The following NYAP2 variants were observed in gnomAD, a reference collection of about 807,000 sequenced individuals.
The protein encoded by NYAP2 is neuronal tyrosine-phosphorylated phosphoinositide-3-kinase adapter 2.
A neutral mutation model predicts 50.4 loss-of-function variants in NYAP2; 23 were observed. That is an observed-to-expected ratio of 0.46 (90% CI 0.33 to 0.65). NYAP2 has a LOEUF of 0.65. Among genes scored for constraint, NYAP2 ranks in the 30% least tolerant of loss-of-function variants. The pLI is 0.02. For synonymous variants in NYAP2, 394 were observed against 365.2 expected, an observed-to-expected ratio of 1.08 and a Z score of -0.90; for missense variants, 885 against 861.0, an observed-to-expected ratio of 1.03 and a Z score of -0.35.
intron 5 of NYAP2, among the ~76,000 whole-genome samples, chr2:225,592,049 T>G (rs932149340): frequency 3.3e-5 from 5 of 152,182 alleles, no homozygotes; most frequent in African/African-American, 1.2e-4. Flanking sequence ...CTAAATGACC[T>G]AAGCAAAAAG....
intron 3 of NYAP2, among the ~76,000 whole-genome samples, chr2:225,469,306 A>C (rs1252533817): frequency 6.6e-6 from 1 of 152,254 alleles, no homozygotes; most frequent in Non-Finnish European, 1.5e-5. Context: ...AATCAAAACC[A>C]CAATGAGATA....
At chr2:225,587,824 A>T (rs1482769878) in intron 5 of NYAP2, among the ~76,000 whole-genome samples, 2 of 94,420 alleles carry the variant, frequency 2.1e-5, no homozygotes, top group African/African-American at 6.2e-5. Flanking sequence ...ATGTCTTGGC[A>T]TTACAAAAAA....
At chr2:225,578,789 T>C (rs1382044601) in intron 4 of NYAP2, among the ~76,000 whole-genome samples, 1 of 152,170 alleles carries the variant, frequency 6.6e-6, no homozygotes, top group Non-Finnish European at 1.5e-5. Flanking sequence ...ATGTTCATCG[T>C]TCATCTGTAA....
At chr2:225,615,394 A>G (rs978044528) in intron 5 of NYAP2, among the ~76,000 whole-genome samples, 2 of 152,186 alleles carry the variant, frequency 1.3e-5, no homozygotes, top group Non-Finnish European at 2.9e-5. Context: ...AGGCAGAAAT[A>G]ATTTGGTGGC....
chr2:225,588,511 G>A lies in NYAP2; in HGVS notation c.1618+5476G>A, dbSNP rs535812614. 1.1e-4 allele frequency among the ~76,000 whole-genome samples: 17 copies of A among 152,188 alleles called. No individual in the cohort carries two copies. The South Asian group carries it at 2.7e-3, about 24-fold the overall frequency. On this transcript the variant is annotated intron_variant, in intron 5 of 6. Coordinates refer to ENST00000636099, the Ensembl canonical transcript of NYAP2. ...TCCAGTGATACCTAAAACATCAAGC[G>A]TTGACTATGAAGGAGCTGCTCCAAC...
chr2:225,465,709 C>T (rs575970118), intron 3 of NYAP2, among the ~76,000 whole-genome samples: 17 of 151,664 alleles, frequency 1.1e-4, no homozygotes, highest in Admixed American at 7.9e-4. Flanking sequence ...GTATGAGACT[C>T]TGTCTCAAAA....
intron 5 of NYAP2, among the ~76,000 whole-genome samples, chr2:225,587,828 CA>C (rs5839115): frequency 0.033 from 4,767 of 146,164 alleles, 231 homozygotes; most frequent in African/African-American, 0.11. Flanking sequence ...CTTGGCATTA[CA>C]AAAAAAAAAA....
At chr2:225,520,754 C>T (rs564828116) in intron 4 of NYAP2, among the ~76,000 whole-genome samples, 2,512 of 151,940 alleles carry the variant, frequency 0.017, 77 homozygotes, top group African/African-American at 0.058. Context: ...TTGGCGATGC[C>T]GGCTCTTTTT....
intron 3 of NYAP2, among the ~76,000 whole-genome samples, chr2:225,463,934 A>G (rs993209384): frequency 6.6e-6 from 1 of 152,116 alleles, no homozygotes; most frequent in Non-Finnish European, 1.5e-5. Flanking sequence ...GGATCCTTAG[A>G]GCAGTTGTAG....
chr2:225,680,831 C>A, the NYAP2 span, among the ~76,000 whole-genome samples: 1 of 152,140 alleles, frequency 6.6e-6, no homozygotes, highest in African/African-American at 2.4e-5. Flanking sequence ...CGTTGCAGGG[C>A]AGTTCCATAA....
At chr2:225,572,988 A>G (rs1439625675) in intron 4 of NYAP2, among the ~76,000 whole-genome samples, 5 of 152,088 alleles carry the variant, frequency 3.3e-5, no homozygotes, top group South Asian at 2.1e-4. Context: ...ATCTTTTTCT[A>G]TCTCCTCTCT....
chr2:225,655,495 T>C (rs538456155), downstream of NYAP2, among the ~76,000 whole-genome samples: 1 of 152,324 alleles, frequency 6.6e-6, no homozygotes, highest in African/African-American at 2.4e-5. Context: ...AAAGTCAAAC[T>C]GCACAGGAGT....
At chr2:225,544,463 T>C (rs1691534074) in intron 4 of NYAP2, among the ~76,000 whole-genome samples, 1 of 152,052 alleles carries the variant, frequency 6.6e-6, no homozygotes, top group Admixed American at 6.6e-5. Flanking sequence ...CCATGAGGTT[T>C]GTAAATACTG....
downstream of NYAP2, chr2:225,654,100 T>G (rs1693785352): frequency 6.6e-6 from 1 of 152,110 alleles, no homozygotes; most frequent in South Asian, 2.1e-4. Flanking sequence ...AACCATAGTC[T>G]TGACTAAGAT....
intron 3 of NYAP2, among the ~76,000 whole-genome samples, chr2:225,440,938 A>ACTGGTGTCAATGGAGG (rs1202537577): frequency 5.3e-5 from 8 of 152,204 alleles, no homozygotes; most frequent in Admixed American, 2.0e-4. Context: ...GAATGGAGAC[A>ACTGGTGTCAATGGAGG]CTGGTGTCAA....
At chr2:225,590,970 C>T (rs1256840601) in intron 5 of NYAP2, among the ~76,000 whole-genome samples, 2 of 152,184 alleles carry the variant, frequency 1.3e-5, no homozygotes, top group Non-Finnish European at 2.9e-5. Context: ...TTGAGAACCA[C>T]TGATAAAAGC....
At chr2:225,589,257 G>C (rs1205026766) in intron 5 of NYAP2, among the ~76,000 whole-genome samples, 2 of 151,330 alleles carry the variant, frequency 1.3e-5, no homozygotes, top group Non-Finnish European at 1.5e-5. Context: ...TTCTGGATTT[G>C]TATCTGAGAG....
At chr2:225,410,292 A>G (rs987568514) in intron 3 of NYAP2, among the ~76,000 whole-genome samples, 3 of 152,110 alleles carry the variant, frequency 2.0e-5, no homozygotes, top group Admixed American at 1.3e-4. Context: ...TAATTGATCA[A>G]CATTTTCACA....
intron 4 of NYAP2, among the ~76,000 whole-genome samples, chr2:225,538,796 TTC>T (rs1447446563): frequency 8.2e-4 from 37 of 45,036 alleles, no homozygotes; most frequent in African/African-American, 2.4e-3. Flanking sequence ...CTTTCTTTCT[TTC>T]TTTCTTTCTT....
Sources: allele counts gnomAD v4.1 joint callset (sites outside exome capture counted in the v4.1 genomes callset), GRCh38; gene constraint gnomAD v4.1.1; transcripts MANE v1.5; gene names NCBI Gene and HGNC (gene_info 2026-07-23, HGNC 2026-07-21).